The following SOX7 variants were observed in gnomAD, a reference collection of about 807,000 sequenced individuals.
SOX7 encodes the protein transcription factor SOX-7.
Under a neutral mutation model 24.9 loss-of-function variants are expected in SOX7, and 19 were observed. The observed-to-expected ratio is 0.76, with a 90% confidence interval of 0.53 to 1.12. The LOEUF (loss-of-function observed/expected upper bound fraction) is 1.12. Ranked by LOEUF, SOX7 falls within the 50% of genes most tolerant of loss-of-function variation. The pLI, the probability that SOX7 is intolerant of heterozygous loss-of-function variation, is 0.00. For missense variants in SOX7, 702 were observed against 535.0 expected (o/e 1.31, Z -3.08); for synonymous variants, 327 against 244.5 (o/e 1.34, Z -3.15).
chr8:10,725,831 G>T lies in SOX7; in HGVS notation c.1074C>A (p.Ser358=), dbSNP rs142768920. 1.8e-4 allele frequency: 294 copies of T among 1,614,106 alleles called. No individual in the cohort carries two copies. The highest frequency in any genetic ancestry group is 1.2e-3 in the Middle Eastern group (7 of 6,084). ...AMALSGHVPV[S]QVTPTGPTET... ...CTGTGGGACCCGTTGGTGTCACCTG[G>T]GAGACCGGAACATGCCCACTGAGGG... Residue 358 remains serine (S), a synonymous_variant, in exon 2 of 2, where the codon TCC becomes TCA. Coordinates refer to ENST00000304501, the MANE Select transcript of SOX7 (RefSeq NM_031439.4).
Position 10,724,663 on chromosome 8 carries a change from G to C in SOX7, c.*1075C>G, listed in dbSNP as rs1800106261. On this transcript the variant is annotated 3_prime_UTR_variant, in exon 2 of 2. Coordinates refer to ENST00000304501, the MANE Select transcript of SOX7 (RefSeq NM_031439.4). ...GATTTAGACTTTGAGTTTAGGAGTT[G>C]CATGAAGTGGGCATGTGTCTCTCAC... 6.6e-6 allele frequency: 1 copy of C among 151,768 alleles called. No individual in the cohort carries two copies. Among genetic ancestry groups the C allele is most frequent in the South Asian group, 2.1e-4 (1 of 4,814 alleles). The allele number at this position is 151,768 out of a possible 1,614,324, so 9.4% of individuals were successfully genotyped here. A position where few individuals can be genotyped will look rare whatever the true frequency, so the allele number is the denominator to read the frequency against.
rs755457699 is a variant in SOX7, at chr8:10,725,718, C to T, written c.*20G>A. 8.1e-6 allele frequency: 13 copies of T among 1,613,530 alleles called. No homozygotes were observed. Among genetic ancestry groups the T allele is most frequent in the South Asian group, 3.3e-5 (3 of 91,060 alleles). ...AGAAGGAGAGGGCGCGAGGGCTGAC[C>T]GGACGGGGCGCCTCCAGCTCTATGA... On this transcript the variant is annotated 3_prime_UTR_variant, in exon 2 of 2. Transcript: ENST00000304501.
Position 10,726,529 on chromosome 8 carries a change from A to G in SOX7, c.376T>C (p.Cys126Arg), listed in dbSNP as rs746471148. 1.9e-6 allele frequency: 3 copies of G among 1,612,342 alleles called. No homozygotes were observed. The highest frequency in any genetic ancestry group is 2.5e-6 in the Non-Finnish European group (3 of 1,179,958). ...PRRKKQAKRL[C>R]KRVDPGFLLS... Reference sequence around the variant, plus strand: ...AGGAAGCCCGGGTCCACGCGCTTGCACAGCCGCTTGGCCTGCTTCTTCCTG... The same window carrying G: ...AGGAAGCCCGGGTCCACGCGCTTGCGCAGCCGCTTGGCCTGCTTCTTCCTG... Residue 126 changes from cysteine (C) to arginine (R), a missense_variant, in exon 2 of 2, where the codon TGC (cysteine) becomes CGC (arginine). Transcript: ENST00000304501.
In SOX7 at chr8:10,730,083, G is replaced by C; in HGVS notation, c.238+113C>G. 1 of 721,720 alleles carries C rather than the reference G, an allele frequency of 1.4e-6. No homozygotes were observed. Among genetic ancestry groups the C allele is most frequent in the Non-Finnish European group, 1.9e-6 (1 of 516,842 alleles). 44.7% of individuals were successfully genotyped at this position (721,720 alleles called of 1,614,324 possible). A position where few individuals can be genotyped will look rare whatever the true frequency, so the allele number is the denominator to read the frequency against. ...CCACGCGGGCACGAAGAGGGCCCTC[G>C]TCCCGCGTGCCGGGTCTTCCCCAGG... On this transcript the variant is annotated intron_variant, in intron 1 of 1. Coordinates refer to ENST00000304501, the MANE Select transcript of SOX7 (RefSeq NM_031439.4). The surrounding 1 kb of genome is among the most constrained non-coding windows in gnomAD (Gnocchi z 4.8).
At position 10,726,122 on chromosome 8, in the gene SOX7, G is replaced by T; in HGVS notation, c.783C>A (p.Ala261=). ...LHCSHPLGSL[A]LGQSPGVSMM... ...TGGAGACGCCGGGGGACTGGCCAAG[G>T]GCCAGGGAGCCCAGGGGGTGGCTAC... Residue 261 remains alanine (A), a synonymous_variant, in exon 2 of 2, where the codon GCC becomes GCA. Transcript: ENST00000304501. 6.3e-7 allele frequency: 1 copy of T among 1,578,360 alleles called. No homozygotes were observed. Among genetic ancestry groups the T allele is most frequent in the Non-Finnish European group, 8.6e-7 (1 of 1,163,204 alleles).
In SOX7 at chr8:10,726,737, C is replaced by T. The variant is rs530769070; in HGVS notation, c.239-71G>A. ...CAGGCATCGCACATGCACACGCGTG[C>T]ACACACACGTGCACATGCACACACA... On this transcript the variant is annotated intron_variant, in intron 1 of 1. Coordinates refer to ENST00000304501, the MANE Select transcript of SOX7 (RefSeq NM_031439.4). 2.8e-5 allele frequency: 39 copies of T among 1,373,948 alleles called. No individual in the cohort carries two copies. In the African/African-American group the frequency reaches 5.3e-4, roughly 19 times the overall value. The allele number at this position is 1,373,948 out of a possible 1,614,324, so 85.1% of individuals were successfully genotyped here.
chr8:10,726,636 T>A lies in SOX7; in HGVS notation c.269A>T (p.Gln90Leu), dbSNP rs1460520719. The change falls in exon 2 of 2, where the codon CAG (glutamine) becomes CTG (leucine). Residue 90 changes from glutamine (Q) to leucine (L), a missense_variant. Transcript: ENST00000304501. ...GKSWKALTLSQKRPYVDEAER... is the reference protein window; with the variant it reads ...GKSWKALTLSLKRPYVDEAER... Reference sequence around the variant, plus strand: ...CGCCTCGTCCACGTACGGCCTCTTCTGGGACAGCGTCAGCGCCTTCCACGA... The same window carrying A: ...CGCCTCGTCCACGTACGGCCTCTTCAGGGACAGCGTCAGCGCCTTCCACGA... 6.3e-7 allele frequency: 1 copy of A among 1,591,712 alleles called. No homozygotes were observed. The highest frequency in any genetic ancestry group is 8.5e-7 in the Non-Finnish European group (1 of 1,172,456).
At chr8:10,728,211 G>A (rs980996081) in intron 1 of SOX7, among the ~76,000 whole-genome samples, 3 of 152,280 alleles carry the variant, frequency 2.0e-5, no homozygotes, top group Non-Finnish European at 2.9e-5. Context: ...GTACCTGGAT[G>A]TTATATAACT....
intron 1 of SOX7, among the ~76,000 whole-genome samples, chr8:10,727,273 C>A (rs931420954): frequency 6.6e-5 from 10 of 152,200 alleles, no homozygotes; most frequent in Non-Finnish European, 1.0e-4. Flanking sequence ...GAATAGAACC[C>A]TGCTGGATGA....
chr8:10,728,295 A>C (rs888755188), intron 1 of SOX7, among the ~76,000 whole-genome samples: 2 of 152,196 alleles, frequency 1.3e-5, no homozygotes, highest in Non-Finnish European at 2.9e-5. Flanking sequence ...TTCATAATAT[A>C]TTTTAAATAC....
At position 10,730,097 on chromosome 8, in the gene SOX7, G is replaced by C. The variant is rs1323525618; in HGVS notation, c.238+99C>G. 2.3e-6 allele frequency: 2 copies of C among 887,244 alleles called. No individual in the cohort carries two copies. Among genetic ancestry groups the C allele is most frequent in the Non-Finnish European group, 3.0e-6 (2 of 664,206 alleles). The allele number at this position is 887,244 out of a possible 1,614,324, so 55.0% of individuals were successfully genotyped here. On this transcript the variant is annotated intron_variant, in intron 1 of 1. Transcript: ENST00000304501. This position sits in a 1 kb window ranked among gnomAD's most constrained non-coding sequence, Gnocchi z 4.8. ...AGAGGGCCCTCGTCCCGCGTGCCGG[G>C]TCTTCCCCAGGCTCCGCGCTCGCAC...
At position 10,726,047 on chromosome 8, in the gene SOX7, C is replaced by T. The variant is rs753879424; in HGVS notation, c.858G>A (p.Pro286=). ...TGGAGTGGAGTGGGTGGTAGGTGGC[C>T]GGGGAGTAATAGGCAGGAGATGGGG... ...GCPPSPAYYS[P]ATYHPLHSNL... Residue 286 remains proline, a synonymous_variant, in exon 2 of 2, where the codon CCG becomes CCA. Transcript: ENST00000304501. 9 of 1,568,742 alleles carry T rather than the reference C, an allele frequency of 5.7e-6. No individual in the cohort carries two copies. The highest frequency in any genetic ancestry group is 2.7e-5 in the African/African-American group (2 of 73,972).
In SOX7 at chr8:10,726,251, G is replaced by A; in HGVS notation, c.654C>T (p.Thr218=). 1 of 1,613,840 alleles carries A rather than the reference G, an allele frequency of 6.2e-7. No individual in the cohort carries two copies. Among genetic ancestry groups the A allele is most frequent in the South Asian group, 1.1e-5 (1 of 91,078 alleles). Residue 218 remains threonine (T), a synonymous_variant, in exon 2 of 2, where the codon ACC becomes ACT. Transcript: ENST00000304501. ...SPLDVLEPEQ[T]FFSSPCQEEH... ...CCTCCTGGCAGGGGGAGGAGAAGAA[G>A]GTCTGCTCCGGCTCCAGCACGTCCA...
chr8:10,730,341 G>A lies in SOX7; in HGVS notation c.93C>T (p.Ala31=). The change falls in exon 1 of 2, where the codon GCC becomes GCT. Residue 31 remains alanine (A), a synonymous_variant. Transcript: ENST00000304501. This position sits in a 1 kb window ranked among gnomAD's most constrained non-coding sequence, Gnocchi z 4.8. ...CCTTGTCCCCCGGGGGCCGGGGGAC[G>A]GCCGGCGGCGATTGTCCATCCGACA... ...AELSDGQSPP[A]VPRPPGDKGS... is the part of the protein sequence containing the mutation. 2 of 1,565,342 alleles carry A rather than the reference G, an allele frequency of 1.3e-6. No individual in the cohort carries two copies. Among genetic ancestry groups the A allele is most frequent in the Non-Finnish European group, 1.7e-6 (2 of 1,159,982 alleles).
rs147348948 is a variant in SOX7, at chr8:10,725,857, C to A, written c.1048G>T (p.Ala350Ser). 1.0e-3 allele frequency: 1,625 copies of A among 1,614,210 alleles called. 1 individual carries two copies. Among genetic ancestry groups the A allele is most frequent in the Non-Finnish European group, 1.3e-3 (1,519 of 1,180,024 alleles). The change falls in exon 2 of 2, where the codon GCC (alanine) becomes TCC (serine). Residue 350 changes from alanine (A) to serine (S), a missense_variant. By Grantham distance (99) the Ala-to-Ser change is moderately conservative. Coordinates refer to ENST00000304501, the MANE Select transcript of SOX7 (RefSeq NM_031439.4). Reference protein sequence around the residue: ...GHPDSATGAMALSGHVPVSQV... With the variant: ...GHPDSATGAMSLSGHVPVSQV... ...GAGACCGGAACATGCCCACTGAGGG[C>A]CATGGCCCCTGTGGCGGAGTCTGGG...
In SOX7 at chr8:10,726,229, C is replaced by T. The variant is rs1334805910; in HGVS notation, c.676G>A (p.Glu226Lys). The change falls in exon 2 of 2, where the codon GAG (glutamate) becomes AAG (lysine). Residue 226 changes from glutamate to lysine, a missense_variant. Transcript: ENST00000304501. ...EQTFFSSPCQ[E>K]EHGHPRRIPH... ...ATGCGGCGGGGATGGCCATGCTCCT[C>T]CTGGCAGGGGGAGGAGAAGAAGGTC... 21 of 1,613,520 alleles carry T rather than the reference C, an allele frequency of 1.3e-5. No individual in the cohort carries two copies. The highest frequency in any genetic ancestry group is 1.6e-5 in the Non-Finnish European group (19 of 1,179,786).
In SOX7 at chr8:10,730,090, G is replaced by A; in HGVS notation, c.238+106C>T. The A allele has an allele frequency of 1.3e-6, 1 of 793,546 alleles. No individual in the cohort carries two copies. 49.2% of individuals were successfully genotyped at this position (793,546 alleles called of 1,614,324 possible). On this transcript the variant is annotated intron_variant, in intron 1 of 1. Transcript: ENST00000304501. This position sits in a 1 kb window ranked among gnomAD's most constrained non-coding sequence, Gnocchi z 4.8. ...GGCACGAAGAGGGCCCTCGTCCCGCGTGCCGGGTCTTCCCCAGGCTCCGCG... is the reference window on the plus strand; with the variant it reads ...GGCACGAAGAGGGCCCTCGTCCCGCATGCCGGGTCTTCCCCAGGCTCCGCG...
chr8:10,728,918 T>C (rs1468690150), intron 1 of SOX7, among the ~76,000 whole-genome samples: 2 of 152,270 alleles, frequency 1.3e-5, no homozygotes, highest in Non-Finnish European at 2.9e-5. Flanking sequence ...TAAAATGTTT[T>C]ATTATTGTAC....
intron 1 of SOX7, chr8:10,729,642 CTTTTG>C (rs1208362254): frequency 1.3e-5 from 2 of 152,176 alleles, no homozygotes; most frequent in Non-Finnish European, 2.9e-5. Context: ...TAAGCTTTTT[CTTTTG>C]TTTTGTTTTC....
Sources: gnomAD v4.1 joint callset for allele counts (sites outside exome capture counted in the v4.1 genomes callset) on GRCh38, gnomAD v4.1.1 for gene constraint, Gnocchi (gnomAD v3.1) non-coding constraint, MANE v1.5 for transcripts, NCBI Gene and HGNC (gene_info 2026-07-23, HGNC 2026-07-21) for gene names.